The following TSLP variants were observed in gnomAD, a reference collection of about 807,000 sequenced individuals.
TSLP encodes thymic stromal lymphopoietin.
In TSLP, 12 loss-of-function variants were observed where a neutral mutation model predicts 12.4. The ratio of observed to expected loss-of-function variants is 0.97; its 90% CI spans 0.62 to 1.57. TSLP has a LOEUF of 1.57. Among genes scored for constraint, TSLP ranks in the 40% most tolerant of loss-of-function variants. TSLP has a pLI of 0.00. For missense variants in TSLP, 222 were observed against 189.6 expected, an observed-to-expected ratio of 1.17 and a Z score of -1.00; for synonymous variants, 97 against 69.5, an observed-to-expected ratio of 1.40 and a Z score of -1.97.
intron 1 of TSLP, 45 bp downstream of exon 1, chr5:111,072,106 G>C (rs751568462): frequency 2.0e-6 from 3 of 1,529,796 alleles, no homozygotes. Context: ...TTCATCAGAG[G>C]AGTCGGCATA....
intron 3 of TSLP, 124 bp from the exon 4 acceptor site, chr5:111,075,822 T>C (rs1163484359): frequency 6.2e-6 from 6 of 975,064 alleles, no homozygotes; most frequent in Admixed American, 2.6e-5. Flanking sequence ...TAGCACATAG[T>C]AAGCAGGTGC....
intron 2 of TSLP, 133 bp downstream of exon 2, chr5:111,073,065 C>A: frequency 1.8e-6 from 2 of 1,094,432 alleles, no homozygotes; most frequent in East Asian, 2.5e-5. Flanking sequence ...GGAAAGGGGA[C>A]ATCTGGGCTG....
chr5:111,074,818 C>T (rs1173859576), intron 3 of TSLP, among the ~76,000 whole-genome samples: 1 of 151,926 alleles, frequency 6.6e-6, no homozygotes, highest in Non-Finnish European at 1.5e-5. Context: ...CGGGGTTTCA[C>T]CATATTGGCC....
In TSLP at chr5:111,077,968, G is replaced by A. The variant is rs1305917986; in HGVS notation, c.*1894G>A. The A allele has an allele frequency of 6.6e-6, 1 of 152,500 alleles. No individual in the cohort carries two copies. Among genetic ancestry groups the A allele is most frequent in the Non-Finnish European group, 1.5e-5 (1 of 68,026 alleles). 9.4% of individuals were successfully genotyped at this position (152,500 alleles called of 1,614,324 possible). On this transcript the variant is annotated 3_prime_UTR_variant, in exon 4 of 4. Transcript: ENST00000344895. ...GAGGCTTTCTTGGTGGACTAGTATA[G>A]TATACGGTCAGTTATGTCAATGTTT...
Position 111,071,998 on chromosome 5 carries a change from T to G in TSLP, c.108T>G (p.Phe36Leu), listed in dbSNP as rs1435982334. Residue 36 changes from phenylalanine (F) to leucine (L), a missense_variant, in exon 1 of 4, where the codon TTT becomes TTG. Coordinates refer to ENST00000344895, the MANE Select transcript of TSLP (RefSeq NM_033035.5). ...CTTACGACTTCACTAACTGTGACTT[T>G]GAGAAGATTAAAGCAGCCTATCTCA... is the stretch of plus-strand genomic sequence containing the variant. ...VLTYDFTNCD[F>L]EKIKAAYLST... 2 of 1,614,240 alleles carry G rather than the reference T, an allele frequency of 1.2e-6. No homozygotes were observed. Among genetic ancestry groups the G allele is most frequent in the Non-Finnish European group, 1.7e-6 (2 of 1,180,042 alleles).
chr5:111,071,201 A>G (rs1483448992), upstream of TSLP: 6 of 379,108 alleles, frequency 1.6e-5, no homozygotes, highest in Non-Finnish European at 2.8e-5. Flanking sequence ...ATGCTTTCAC[A>G]TGGAAGTGCT....
At chr5:111,071,326 A>G (rs1028784866), upstream of TSLP, 3 of 950,754 alleles carry the variant, frequency 3.2e-6, no homozygotes, top group Middle Eastern at 2.3e-4. Flanking sequence ...GAAATGCTCA[A>G]AGATGTTCAG....
chr5:111,071,833 T>C lies in TSLP; in HGVS notation c.-58T>C, dbSNP rs1037586329. The C allele has an allele frequency of 1.3e-5, 20 of 1,582,774 alleles. No homozygotes were observed. In the African/African-American group the frequency reaches 2.3e-4, roughly 18 times the overall value. Reference sequence around the variant, plus strand: ...CCCTAAGGCAGGCCTTACAGATCTCTTACACTCGTGGTGGGAAGAGTTTAG... The same window carrying C: ...CCCTAAGGCAGGCCTTACAGATCTCCTACACTCGTGGTGGGAAGAGTTTAG... On this transcript the variant is annotated 5_prime_UTR_variant, in exon 1 of 4. Coordinates refer to ENST00000344895, the MANE Select transcript of TSLP (RefSeq NM_033035.5).
intron 3 of TSLP, among the ~76,000 whole-genome samples, chr5:111,074,888 A>T (rs1752457244): frequency 6.6e-6 from 1 of 152,020 alleles, no homozygotes; most frequent in South Asian, 2.1e-4. Flanking sequence ...AAAGTGCTGG[A>T]ATTACAAGCA....
intron 2 of TSLP, chr5:111,073,277 G>A (rs561966622): frequency 5.6e-6 from 8 of 1,416,346 alleles, no homozygotes; most frequent in African/African-American, 1.4e-5. Context: ...AGGAGCGAGC[G>A]TGGGTGACAG....
In TSLP at chr5:111,077,752, C is replaced by T. The variant is rs938973456; in HGVS notation, c.*1678C>T. On this transcript the variant is annotated 3_prime_UTR_variant, in exon 4 of 4. Coordinates refer to ENST00000344895, the MANE Select transcript of TSLP (RefSeq NM_033035.5). ...AGTTTCTTTGAATCTTCTGCTTTATCTTTAAAAATTTGTATAATTTATATA... is the reference window on the plus strand; with the variant it reads ...AGTTTCTTTGAATCTTCTGCTTTATTTTTAAAAATTTGTATAATTTATATA... 6.6e-6 allele frequency: 1 copy of T among 152,544 alleles called. No individual in the cohort carries two copies. 9.4% of individuals were successfully genotyped at this position (152,544 alleles called of 1,614,324 possible).
intron 3 of TSLP, 95 bp from the exon 4 acceptor site, chr5:111,075,851 G>C (rs1430973773): frequency 7.6e-7 from 1 of 1,308,390 alleles, no homozygotes; most frequent in Non-Finnish European, 1.1e-6. Flanking sequence ...CACACTGAAA[G>C]ATGGATTTGC....
Position 111,077,860 on chromosome 5 carries a change from G to T in TSLP, c.*1786G>T, listed in dbSNP as rs901747116. 6.6e-6 allele frequency: 1 copy of T among 152,508 alleles called. No homozygotes were observed. The highest frequency in any genetic ancestry group is 1.5e-5 in the Non-Finnish European group (1 of 68,032). The allele number at this position is 152,508 out of a possible 1,614,324, so 9.4% of individuals were successfully genotyped here. A position where few individuals can be genotyped will look rare whatever the true frequency, so the allele number is the denominator to read the frequency against. On this transcript the variant is annotated 3_prime_UTR_variant, in exon 4 of 4. Transcript: ENST00000344895. ...TGTCAATTAAAAGTAATGGGCAAGA[G>T]ATTGCATCATACTAATTTAGTAAGA...
intron 1 of TSLP, 100 bp downstream of exon 1, chr5:111,072,161 G>A: frequency 9.6e-7 from 1 of 1,042,388 alleles, no homozygotes; most frequent in Non-Finnish European, 1.3e-6. Flanking sequence ...AAATAATTTA[G>A]AAAAAATCAT....
chr5:111,071,539 T>C (rs1343378166), upstream of TSLP: 1 of 1,542,062 alleles, frequency 6.5e-7, no homozygotes, highest in Admixed American at 2.0e-5. Context: ...TCCTGATGAC[T>C]TTACTGATGT....
chr5:111,073,339 G>A (rs1254034862), intron 2 of TSLP, 172 bp from the exon 3 acceptor site: 2 of 1,453,502 alleles, frequency 1.4e-6, no homozygotes, highest in South Asian at 1.5e-5. Context: ...CTGCTCCCCC[G>A]CGGTTGGTTC....
In TSLP at chr5:111,071,902, T is replaced by A; in HGVS notation, c.12T>A (p.Phe4Leu). The change falls in exon 1 of 4, where the codon TTT (phenylalanine) becomes TTA (leucine). Residue 4 changes from phenylalanine (F) to leucine (L), a missense_variant. Physicochemically the swap from Phe to Leu is conservative, Grantham distance 22. Transcript: ENST00000344895. The stretch of plus-strand genomic sequence containing the variant: ...TTGGGTGTCCACGTATGTTCCCTTT[T>A]GCCTTACTATATGTTCTGTCAGTTT... MFP[F>L]ALLYVLSVSF... is the part of the protein sequence containing the mutation. 2 of 1,614,106 alleles carry A rather than the reference T, an allele frequency of 1.2e-6. No individual in the cohort carries two copies. Among genetic ancestry groups the A allele is most frequent in the South Asian group, 2.2e-5 (2 of 91,056 alleles).
In TSLP at chr5:111,077,547, C is replaced by G. The variant is rs1752546149; in HGVS notation, c.*1473C>G. The G allele has an allele frequency of 6.6e-6, 1 of 152,442 alleles. No individual in the cohort carries two copies. The highest frequency in any genetic ancestry group is 6.5e-5 in the Admixed American group (1 of 15,288). The allele number at this position is 152,442 out of a possible 1,614,324, so 9.4% of individuals were successfully genotyped here. ...AAGACCTGACCCAAGCTCTTAAATG[C>G]TATTGTAAGAGAAATTTCTTTGTCT... is the stretch of plus-strand genomic sequence containing the variant. On this transcript the variant is annotated 3_prime_UTR_variant, in exon 4 of 4. Coordinates refer to ENST00000344895, the MANE Select transcript of TSLP (RefSeq NM_033035.5).
intron 2 of TSLP, chr5:111,073,227 G>T: frequency 7.5e-7 from 1 of 1,336,060 alleles, no homozygotes; most frequent in Non-Finnish European, 9.8e-7. Flanking sequence ...CCGCGCTCGG[G>T]CTCGGAATTT....
Sources: allele counts gnomAD v4.1 joint callset (sites outside exome capture counted in the v4.1 genomes callset), GRCh38; gene constraint gnomAD v4.1.1; transcripts MANE v1.5; gene names NCBI Gene and HGNC (gene_info 2026-07-23, HGNC 2026-07-21).